The following SMURF1 variants were observed in gnomAD, a reference collection of about 807,000 sequenced individuals.
SMURF1 encodes E3 ubiquitin-protein ligase SMURF1.
In SMURF1, 44 loss-of-function variants were observed where a neutral mutation model predicts 98.0. The observed-to-expected ratio is 0.45, with a 90% confidence interval of 0.35 to 0.58. SMURF1 has a LOEUF of 0.58. Among genes scored for constraint, SMURF1 ranks in the 20% least tolerant of loss-of-function variants. The pLI is 0.00. For missense variants in SMURF1, 687 were observed against 938.4 expected (o/e 0.73, Z 3.50); for synonymous variants, 396 against 374.9 (o/e 1.06, Z -0.65).
chr7:99,063,294 TATATATATATAA>T lies in SMURF1; in HGVS notation c.56-1469_56-1458del, dbSNP rs1563012933. 1.5e-3 allele frequency among the ~76,000 whole-genome samples: 34 copies of T among 22,538 alleles called. 2 individuals are homozygous for T. The highest frequency in any genetic ancestry group is 2.8e-3 in the Non-Finnish European group (27 of 9,700). The allele number at this position is 22,538 out of a possible 152,430, so 14.8% of individuals were successfully genotyped here. A position where few individuals can be genotyped will look rare whatever the true frequency, so the allele number is the denominator to read the frequency against. ...ATATATATATATATATATATATATA[TATATATATATAA>T]AAAGAGACAGGGTCTCACTCCGTCA... On this transcript the variant is annotated intron_variant, in intron 1 of 17. Coordinates refer to ENST00000361368, the MANE Select transcript of SMURF1 (RefSeq NM_181349.3).
intron 16 of SMURF1, among the ~76,000 whole-genome samples, chr7:99,033,842 G>A (rs1049027741): frequency 6.6e-6 from 1 of 152,214 alleles, no homozygotes; most frequent in African/African-American, 2.4e-5. Flanking sequence ...GCACCAGGCT[G>A]GCCAGCAGCC....
chr7:99,035,737 G>A, intron 15 of SMURF1, 21 bp from the exon 16 acceptor site: 1 of 1,610,620 alleles, frequency 6.2e-7, no homozygotes, highest in Non-Finnish European at 8.5e-7. Context: ...GCAGAAAGGT[G>A]AATTACTTCC....
chr7:99,063,283 A>ATAAGATT (rs1563012879), intron 1 of SMURF1, among the ~76,000 whole-genome samples: 1 of 17,348 alleles, frequency 5.8e-5, no homozygotes, highest in African/African-American at 1.3e-4. Flanking sequence ...ATATATATAT[A>ATAAGATT]TATATATATA....
chr7:99,120,907 TC>T (rs1797600491), intron 1 of SMURF1: 1 of 151,512 alleles, frequency 6.6e-6, no homozygotes. Flanking sequence ...TTTTTTTTTT[TC>T]CCCAACATCT....
In SMURF1 at chr7:99,119,322, C is replaced by T. The variant is rs1247561437; in HGVS notation, c.55+24404G>A. Among the ~76,000 whole-genome samples the T allele has an allele frequency of 2.6e-5, 4 of 152,118 alleles. No homozygotes were observed. In the East Asian group the frequency reaches 7.7e-4, roughly 29 times the overall value. On this transcript the variant is annotated intron_variant, in intron 1 of 17. Transcript: ENST00000361368. ...TCCTTTCCAAATAAGCCATCTTGTA[C>T]AGTTTAAATATTACACTGTGTATAT...
At chr7:99,059,698 A>G (rs1341923610) in intron 3 of SMURF1, among the ~76,000 whole-genome samples, 3 of 151,610 alleles carry the variant, frequency 2.0e-5, no homozygotes, top group Non-Finnish European at 4.4e-5. Flanking sequence ...TCATGAGGTC[A>G]GGAGTTCGAG....
intron 3 of SMURF1, among the ~76,000 whole-genome samples, chr7:99,059,747 A>C (rs1423457064): frequency 6.6e-6 from 1 of 151,888 alleles, no homozygotes; most frequent in Non-Finnish European, 1.5e-5. Context: ...GTCTCAACTA[A>C]AAATACAAAA....
At chr7:99,082,114 C>G (rs1261272105) in intron 1 of SMURF1, among the ~76,000 whole-genome samples, 10 of 152,152 alleles carry the variant, frequency 6.6e-5, no homozygotes, top group African/African-American at 2.4e-4. Context: ...GATCCTTTAC[C>G]CATGTATTAA....
At position 99,030,300 on chromosome 7, in the gene SMURF1, C is replaced by G. The variant is rs1266178224; in HGVS notation, c.*284G>C. On this transcript the variant is annotated 3_prime_UTR_variant, in exon 18 of 18. Transcript: ENST00000361368. ...TATCACCACATGGGTTGCAACACAGCAGAATATCCTGTGTGACCAAAGCCA... is the reference window on the plus strand; with the variant it reads ...TATCACCACATGGGTTGCAACACAGGAGAATATCCTGTGTGACCAAAGCCA... The G allele has an allele frequency of 1.2e-5, 5 of 409,766 alleles. No individual in the cohort carries two copies. Among genetic ancestry groups the G allele is most frequent in the African/African-American group, 2.0e-5 (1 of 49,432 alleles). The allele number at this position is 409,766 out of a possible 1,614,324, so 25.4% of individuals were successfully genotyped here.
At chr7:99,034,021 A>T (rs1301825054) in intron 16 of SMURF1, among the ~76,000 whole-genome samples, 1 of 152,254 alleles carries the variant, frequency 6.6e-6, no homozygotes, top group African/African-American at 2.4e-5. Flanking sequence ...GGGAGCAATG[A>T]GGACCAGCAG....
chr7:99,056,132 A>C (rs1795871280), intron 5 of SMURF1, among the ~76,000 whole-genome samples: 1 of 152,230 alleles, frequency 6.6e-6, no homozygotes, highest in South Asian at 2.1e-4. Context: ...AAAAGAAATT[A>C]CACGCAGGAA....
At chr7:99,099,255 G>A (rs116518524) in intron 1 of SMURF1, among the ~76,000 whole-genome samples, 106 of 149,252 alleles carry the variant, frequency 7.1e-4, no homozygotes, top group African/African-American at 2.3e-3. Flanking sequence ...TGGCACGGGA[G>A]TAGAAAATGA....
At chr7:99,056,424 TA>T (rs1217549886) in intron 5 of SMURF1, among the ~76,000 whole-genome samples, 2 of 152,234 alleles carry the variant, frequency 1.3e-5, no homozygotes, top group Non-Finnish European at 2.9e-5. Flanking sequence ...CAACACTTTG[TA>T]ACATTAGCAC....
chr7:99,066,188 T>C (rs1262424775), intron 1 of SMURF1, among the ~76,000 whole-genome samples: 2 of 152,168 alleles, frequency 1.3e-5, no homozygotes, highest in Non-Finnish European at 2.9e-5. Context: ...AAGACTTACA[T>C]CTCATGTCTG....
At chr7:99,117,732 A>C (rs1266232507) in intron 1 of SMURF1, among the ~76,000 whole-genome samples, 1 of 152,276 alleles carries the variant, frequency 6.6e-6, no homozygotes, top group African/African-American at 2.4e-5. Context: ...TAAAAAGATA[A>C]CCCATAAAAT....
At chr7:99,072,252 G>A (rs1796342855) in intron 1 of SMURF1, among the ~76,000 whole-genome samples, 1 of 152,030 alleles carries the variant, frequency 6.6e-6, no homozygotes, top group African/African-American at 2.4e-5. Flanking sequence ...TCAAACTCTT[G>A]GTCTCAGCAA....
intron 1 of SMURF1, among the ~76,000 whole-genome samples, chr7:99,117,644 C>G (rs1314561265): frequency 6.6e-6 from 1 of 151,504 alleles, no homozygotes; most frequent in African/African-American, 2.4e-5. Context: ...AGCCACTGCA[C>G]CCGGCCACAA....
At chr7:99,078,235 G>C (rs1796507019) in intron 1 of SMURF1, among the ~76,000 whole-genome samples, 1 of 150,554 alleles carries the variant, frequency 6.6e-6, no homozygotes, top group South Asian at 2.1e-4. Context: ...CTGGGAGGCA[G>C]AGGTTGCGTT....
At chr7:99,032,016 A>G (rs1289023741) in intron 17 of SMURF1, among the ~76,000 whole-genome samples, 2 of 152,260 alleles carry the variant, frequency 1.3e-5, no homozygotes, top group Non-Finnish European at 2.9e-5. Context: ...TTTGCAATAG[A>G]CAAGGTACGT....
Sources: gnomAD v4.1 joint callset for allele counts (sites outside exome capture counted in the v4.1 genomes callset) on GRCh38, gnomAD v4.1.1 for gene constraint, MANE v1.5 for transcripts, NCBI Gene and HGNC (gene_info 2026-07-23, HGNC 2026-07-21) for gene names.